ADAM12: variants seen among roughly 807,000 people sequenced by gnomAD.
ADAM12 encodes ADAM metallopeptidase domain 12.
Under a neutral mutation model 106.4 loss-of-function variants are expected in ADAM12, and 70 were observed. The ratio of observed to expected loss-of-function variants is 0.66; its 90% CI spans 0.54 to 0.80. The LOEUF (loss-of-function observed/expected upper bound fraction) is 0.80, where lower values mean the gene tolerates loss of function less well. ADAM12 is among the 30% of genes least tolerant of loss of function. The pLI, the probability that ADAM12 is intolerant of heterozygous loss-of-function variation, is 0.00. For missense variants in ADAM12, 1,010 were observed against 1,171.9 expected (o/e 0.86, Z 2.02); for synonymous variants, 420 against 433.5 (o/e 0.97, Z 0.39).
At chr10:126,284,768 G>A (rs1406240630) in intron 2 of ADAM12, among the ~76,000 whole-genome samples, 1 of 152,166 alleles carries the variant, frequency 6.6e-6, no homozygotes, top group Non-Finnish European at 1.5e-5. Context: ...AGCTGCTTTT[G>A]TGATCTTTTT....
chr10:126,178,989 G>T (rs571621124), intron 3 of ADAM12, among the ~76,000 whole-genome samples: 2 of 152,098 alleles, frequency 1.3e-5, no homozygotes, highest in Non-Finnish European at 1.5e-5. Context: ...GGAGGCTGCG[G>T]TGAGCCAAGA....
chr10:126,043,415 C>A lies in ADAM12; in HGVS notation c.1996-267G>T, dbSNP rs969428041. On this transcript the variant is annotated intron_variant, in intron 17 of 22. Transcript: ENST00000448723. The surrounding 1 kb of genome is among the most constrained non-coding windows in gnomAD (Gnocchi z 4.1). ...TTTGGGTTCATCAGCTTGCCTCCCC[C>A]ACCCACCTCACTTCCTTCTCCATCT... 5.3e-5 allele frequency among the ~76,000 whole-genome samples: 8 copies of A among 152,214 alleles called. No homozygotes were observed. The highest frequency in any genetic ancestry group is 1.5e-5 in the Non-Finnish European group (1 of 68,038).
chr10:126,040,341 G>A (rs1565003328), intron 18 of ADAM12, among the ~76,000 whole-genome samples: 1 of 152,222 alleles, frequency 6.6e-6, no homozygotes, highest in Non-Finnish European at 1.5e-5. Flanking sequence ...TCAGGTAAGT[G>A]TGCAACAGTC....
At chr10:126,339,031 C>A (rs113712278) in intron 1 of ADAM12, among the ~76,000 whole-genome samples, 1 of 152,174 alleles carries the variant, frequency 6.6e-6, no homozygotes, top group African/African-American at 2.4e-5. Flanking sequence ...CCAAAATACA[C>A]ACCAACTTGG....
chr10:126,336,664 G>A (rs1854710354), intron 1 of ADAM12, among the ~76,000 whole-genome samples: 1 of 152,154 alleles, frequency 6.6e-6, no homozygotes, highest in African/African-American at 2.4e-5. Context: ...GTCTGGGATG[G>A]CAGAAAAGTT....
chr10:126,076,903 T>C (rs1410498178), intron 11 of ADAM12, among the ~76,000 whole-genome samples: 1 of 152,150 alleles, frequency 6.6e-6, no homozygotes, highest in Non-Finnish European at 1.5e-5. Flanking sequence ...GACTCAGCCA[T>C]AAATTATTTG....
chr10:126,097,692 G>T (rs986917948), intron 10 of ADAM12, among the ~76,000 whole-genome samples: 2 of 152,176 alleles, frequency 1.3e-5, no homozygotes, highest in Non-Finnish European at 2.9e-5. Flanking sequence ...TAAATTTTCA[G>T]AGCAGGGACA....
chr10:126,054,823 T>C (rs1210507816), intron 14 of ADAM12, among the ~76,000 whole-genome samples: 1 of 152,044 alleles, frequency 6.6e-6, no homozygotes, highest in Non-Finnish European at 1.5e-5. Flanking sequence ...GAAGACCACC[T>C]TGGACTGTGG....
chr10:126,386,161 G>A (rs1363024082), intron 1 of ADAM12, among the ~76,000 whole-genome samples: 1 of 152,104 alleles, frequency 6.6e-6, no homozygotes, highest in Non-Finnish European at 1.5e-5. Context: ...GTTGTTACTG[G>A]GTTCAGGAAG....
chr10:126,031,668 C>T (rs907134018), intron 21 of ADAM12, among the ~76,000 whole-genome samples: 1 of 152,132 alleles, frequency 6.6e-6, no homozygotes, highest in Non-Finnish European at 1.5e-5. Context: ...AACAAAGTAG[C>T]CTTTTCTTAG....
chr10:126,291,550 T>C (rs1455087861), intron 2 of ADAM12, among the ~76,000 whole-genome samples: 2 of 152,054 alleles, frequency 1.3e-5, no homozygotes, highest in African/African-American at 4.8e-5. Context: ...CAGACAAAAA[T>C]TGAAGTTAGA....
intron 3 of ADAM12, among the ~76,000 whole-genome samples, chr10:126,181,932 G>A (rs915049605): frequency 2.6e-5 from 4 of 152,092 alleles, no homozygotes; most frequent in Admixed American, 2.6e-4. Flanking sequence ...TGCATGGCCC[G>A]GTCAGCATCC....
intron 1 of ADAM12, among the ~76,000 whole-genome samples, chr10:126,341,450 G>T (rs1209664201): frequency 6.6e-6 from 1 of 152,216 alleles, no homozygotes; most frequent in African/African-American, 2.4e-5. Context: ...TCTGATGAGT[G>T]ATTGACTTTT....
chr10:126,052,649 A>C (rs1271349096), intron 14 of ADAM12, among the ~76,000 whole-genome samples: 1 of 152,168 alleles, frequency 6.6e-6, no homozygotes, highest in East Asian at 1.9e-4. Context: ...ACAGAAGGAT[A>C]AAAACAAAGA....
intron 3 of ADAM12, among the ~76,000 whole-genome samples, chr10:126,178,408 C>CATTTT (rs1957257850): frequency 9.6e-6 from 1 of 103,898 alleles, no homozygotes; most frequent in African/African-American, 3.3e-5. Context: ...TGGAGGACAT[C>CATTTT]TTTTTTTTTT....
chr10:126,294,898 ATGTG>A (rs34255814), intron 2 of ADAM12, among the ~76,000 whole-genome samples: 2 of 150,294 alleles, frequency 1.3e-5, no homozygotes, highest in Non-Finnish European at 3.0e-5. Context: ...TTGTGTGTAG[ATGTG>A]TGTGTGTGTG....
chr10:126,156,426 C>A (rs545962687), intron 3 of ADAM12, among the ~76,000 whole-genome samples: 1 of 152,168 alleles, frequency 6.6e-6, no homozygotes, highest in Non-Finnish European at 1.5e-5. Context: ...TTACATAGGG[C>A]GCACACGAAG....
At chr10:126,109,754 G>A (rs1955835526) in intron 7 of ADAM12, 21 bp downstream of exon 7, 7 of 1,604,396 alleles carry the variant, frequency 4.4e-6, no homozygotes, top group African/African-American at 4.0e-5. Context: ...ACCATACTGA[G>A]AAATTTTAAA....
At chr10:126,336,929 T>C in intron 1 of ADAM12, among the ~76,000 whole-genome samples, 1 of 152,308 alleles carries the variant, frequency 6.6e-6, no homozygotes, top group East Asian at 1.9e-4. Flanking sequence ...TTCCTTGCTA[T>C]TCAGATCCTT....
Sources: allele counts gnomAD v4.1 joint callset (sites outside exome capture counted in the v4.1 genomes callset), GRCh38; gene constraint gnomAD v4.1.1; non-coding constraint Gnocchi (gnomAD v3.1); transcripts MANE v1.5; gene names NCBI Gene and HGNC (gene_info 2026-07-23, HGNC 2026-07-21).